Variants in COMMD10 observed in about 807,000 individuals in gnomAD.
COMMD10 encodes the protein COMM domain-containing protein 10.
A neutral mutation model predicts 28.9 loss-of-function variants in COMMD10; 33 were observed. The ratio of observed to expected loss-of-function variants is 1.14; its 90% CI spans 0.87 to 1.53. COMMD10 has a LOEUF of 1.53. Among genes scored for constraint, COMMD10 ranks in the 40% most tolerant of loss-of-function variants. The pLI, the probability that COMMD10 is intolerant of heterozygous loss-of-function variation, is 0.00. For missense variants in COMMD10, 310 were observed against 233.4 expected (o/e 1.33, Z -2.14); for synonymous variants, 110 against 81.7 (o/e 1.35, Z -1.87).
At chr5:116,192,059 C>G (rs35696109) in intron 5 of COMMD10, among the ~76,000 whole-genome samples, 1 of 149,632 alleles carries the variant, frequency 6.7e-6, no homozygotes. Flanking sequence ...AGAAGAGAGA[C>G]AGTAATCACT....
chr5:116,223,146 A>G (rs1277400388), intron 5 of COMMD10, among the ~76,000 whole-genome samples: 3 of 152,152 alleles, frequency 2.0e-5, no homozygotes, highest in Non-Finnish European at 2.9e-5. Context: ...GCTGTCACCT[A>G]TAAATTATAA....
At chr5:116,277,281 A>G (rs1300482033) in intron 5 of COMMD10, among the ~76,000 whole-genome samples, 1 of 151,898 alleles carries the variant, frequency 6.6e-6, no homozygotes, top group Non-Finnish European at 1.5e-5. Context: ...CATTTAAACC[A>G]TGTACTTTTT....
intron 5 of COMMD10, among the ~76,000 whole-genome samples, chr5:116,175,774 A>G (rs11953135): frequency 0.51 from 77,284 of 152,048 alleles, 22,321 homozygotes; most frequent in Non-Finnish European, 0.65. Flanking sequence ...GCCAGTCACA[A>G]AAGGACAAAT....
chr5:116,177,059 C>T (rs192728402), intron 5 of COMMD10, among the ~76,000 whole-genome samples: 19 of 152,206 alleles, frequency 1.2e-4, no homozygotes, highest in Admixed American at 1.2e-3. Flanking sequence ...TGCAGTCAAG[C>T]TGAGGCTCCT....
chr5:116,244,660 CAAA>C (rs60360733), intron 5 of COMMD10, among the ~76,000 whole-genome samples: 954 of 79,510 alleles, frequency 0.012, 12 homozygotes, highest in African/African-American at 0.032. Flanking sequence ...AAAAAAATTA[CAAA>C]AAAAAAAAAA....
At chr5:116,140,394 TG>T (rs1362101817) in intron 5 of COMMD10, among the ~76,000 whole-genome samples, 1 of 151,710 alleles carries the variant, frequency 6.6e-6, no homozygotes, top group African/African-American at 2.4e-5. Context: ...GCAACAAACA[TG>T]GGGGTGCAGA....
At chr5:116,108,681 TCCAGGAGAGTG>T (rs1386900704) in intron 4 of COMMD10, among the ~76,000 whole-genome samples, 1 of 152,132 alleles carries the variant, frequency 6.6e-6, no homozygotes, top group Non-Finnish European at 1.5e-5. Flanking sequence ...CAGCCCCCTT[TCCAGGAGAGTG>T]AACGGTGATT....
chr5:116,137,266 A>G (rs1184578624), intron 5 of COMMD10, among the ~76,000 whole-genome samples: 1 of 152,120 alleles, frequency 6.6e-6, no homozygotes, highest in East Asian at 1.9e-4. Flanking sequence ...ACAAATATGA[A>G]ATGAGAATTC....
At chr5:116,102,674 T>C (rs1750702779) in intron 4 of COMMD10, among the ~76,000 whole-genome samples, 1 of 152,152 alleles carries the variant, frequency 6.6e-6, no homozygotes, top group African/African-American at 2.4e-5. Context: ...AATAATTCTT[T>C]TTATTATTAT....
At chr5:116,225,155 C>CT (rs371132103) in intron 5 of COMMD10, among the ~76,000 whole-genome samples, 32 of 151,824 alleles carry the variant, frequency 2.1e-4, no homozygotes, top group African/African-American at 7.5e-4. Flanking sequence ...TTTGTTGTTT[C>CT]TTTTTTTCTC....
intron 4 of COMMD10, among the ~76,000 whole-genome samples, chr5:116,115,964 A>G (rs1751220877): frequency 6.6e-6 from 1 of 152,186 alleles, no homozygotes; most frequent in African/African-American, 2.4e-5. Context: ...ATATAAATTC[A>G]ACAGTTCTGT....
intron 5 of COMMD10, among the ~76,000 whole-genome samples, chr5:116,162,782 A>T (rs1752960056): frequency 6.6e-6 from 1 of 152,190 alleles, no homozygotes; most frequent in Admixed American, 6.5e-5. Context: ...ATAGTGGTAA[A>T]TGTCTCCATC....
chr5:116,148,836 G>C (rs535630811), intron 5 of COMMD10, among the ~76,000 whole-genome samples: 5 of 149,118 alleles, frequency 3.4e-5, no homozygotes, highest in African/African-American at 1.0e-4. Context: ...ATTTGTATTT[G>C]TTTTTTTGTA....
At chr5:116,219,260 G>A (rs574262730) in intron 5 of COMMD10, among the ~76,000 whole-genome samples, 34 of 152,186 alleles carry the variant, frequency 2.2e-4, no homozygotes, top group African/African-American at 7.9e-4. Flanking sequence ...GTTAATGGCA[G>A]CCCTAGCAAA....
chr5:116,128,879 C>A (rs1173644058), intron 4 of COMMD10, among the ~76,000 whole-genome samples: 2 of 151,690 alleles, frequency 1.3e-5, no homozygotes, highest in African/African-American at 2.4e-5. Flanking sequence ...GGTTAGAATA[C>A]TGTGTAAGTG....
intron 5 of COMMD10, among the ~76,000 whole-genome samples, chr5:116,289,052 T>G (rs1580365125): frequency 1.3e-5 from 2 of 151,626 alleles, no homozygotes; most frequent in Admixed American, 1.3e-4. Context: ...TGGCTAATTT[T>G]TGTATTTTTA....
chr5:116,279,780 G>T (rs986499472), intron 5 of COMMD10, among the ~76,000 whole-genome samples: 8 of 151,774 alleles, frequency 5.3e-5, no homozygotes, highest in African/African-American at 1.9e-4. Context: ...GATACAAAGA[G>T]ATTTGATTAC....
chr5:116,127,252 C>T (rs1041547713), intron 4 of COMMD10, among the ~76,000 whole-genome samples: 3 of 152,064 alleles, frequency 2.0e-5, no homozygotes, highest in African/African-American at 7.2e-5. Context: ...GTTAGAATGG[C>T]GATCATTAAA....
intron 5 of COMMD10, among the ~76,000 whole-genome samples, chr5:116,236,868 C>T (rs1274952171): frequency 6.6e-6 from 1 of 152,040 alleles, no homozygotes; most frequent in Non-Finnish European, 1.5e-5. Flanking sequence ...ATGTACTACT[C>T]TGGTGGGGGA....
Sources: gnomAD v4.1 joint callset for allele counts (sites outside exome capture counted in the v4.1 genomes callset) on GRCh38, gnomAD v4.1.1 for gene constraint, MANE v1.5 for transcripts, NCBI Gene and HGNC (gene_info 2026-07-23, HGNC 2026-07-21) for gene names.